The following KCNN2 variants were observed in gnomAD, a reference collection of about 807,000 sequenced individuals.
KCNN2 encodes potassium calcium-activated channel subfamily N member 2.
A neutral mutation model predicts 55.5 loss-of-function variants in KCNN2; 24 were observed. The ratio of observed to expected loss-of-function variants is 0.43; its 90% CI spans 0.31 to 0.61. KCNN2 has a LOEUF of 0.61. Ranked by LOEUF, KCNN2 falls within the 20% of genes least tolerant of loss-of-function variation. The pLI is 0.08. For missense variants in KCNN2, 754 were observed against 853.6 expected (o/e 0.88, Z 1.45); for synonymous variants, 431 against 336.1 (o/e 1.28, Z -3.09).
chr5:114,227,691 G>T (rs1754264930), intron 2 of KCNN2, among the ~76,000 whole-genome samples: 1 of 151,940 alleles, frequency 6.6e-6, no homozygotes, highest in African/African-American at 2.4e-5. Flanking sequence ...TTTGAAATCA[G>T]AAAAAAAGTA....
Position 114,105,817 on chromosome 5 carries a change from A to G in KCNN2, c.-271+49317A>G, listed in dbSNP as rs539348367. 4.6e-5 allele frequency among the ~76,000 whole-genome samples: 7 copies of G among 152,116 alleles called. No individual in the cohort carries two copies. In the East Asian group the frequency reaches 1.2e-3, roughly 25 times the overall value. On this transcript the variant is annotated intron_variant, in intron 1 of 10. Coordinates refer to the KCNN2 transcript ENST00000512097. The stretch of plus-strand genomic sequence containing the variant: ...AGTCTTCAGCCATTTTTGTTTGGCA[A>G]TAATATATATTTAGTTTATTTGTCT...
chr5:114,477,235 G>T (rs768262410), intron 5 of KCNN2, among the ~76,000 whole-genome samples: 3 of 152,086 alleles, frequency 2.0e-5, no homozygotes, highest in Admixed American at 6.5e-5. Context: ...CAATATGAAT[G>T]TTAAAAGATA....
intron 2 of KCNN2, among the ~76,000 whole-genome samples, chr5:114,285,353 A>C (rs1043005451): frequency 1.3e-5 from 2 of 151,650 alleles, no homozygotes; most frequent in Non-Finnish European, 2.9e-5. Context: ...GTAGGGGAGA[A>C]AAATATGAAG....
chr5:114,120,963 G>T (rs1751820673), intron 1 of KCNN2, among the ~76,000 whole-genome samples: 1 of 152,204 alleles, frequency 6.6e-6, no homozygotes, highest in Non-Finnish European at 1.5e-5. Flanking sequence ...GGCAAATGGG[G>T]CCTCTGCCCC....
intron 1 of KCNN2, among the ~76,000 whole-genome samples, chr5:114,126,763 T>C (rs1462613197): frequency 6.6e-6 from 1 of 152,150 alleles, no homozygotes; most frequent in East Asian, 1.9e-4. Context: ...CAAAGTCTCA[T>C]CTGAGACAAG....
At chr5:114,069,653 G>T (rs1349347086) in intron 1 of KCNN2, among the ~76,000 whole-genome samples, 1 of 152,166 alleles carries the variant, frequency 6.6e-6, no homozygotes, top group Non-Finnish European at 1.5e-5. Context: ...AATAAAGCTT[G>T]TTCTGAAAGG....
At chr5:114,386,815 T>C (rs1044413609) in intron 2 of KCNN2, among the ~76,000 whole-genome samples, 4 of 152,310 alleles carry the variant, frequency 2.6e-5, no homozygotes, top group Non-Finnish European at 5.9e-5. Context: ...TTCTGAGAGA[T>C]TTCAGTCTCT....
chr5:114,071,480 C>A (rs1471100199), intron 1 of KCNN2, among the ~76,000 whole-genome samples: 2 of 152,170 alleles, frequency 1.3e-5, no homozygotes, highest in African/African-American at 4.8e-5. Flanking sequence ...CCAGGGAGTC[C>A]TGTTTGCATT....
intron 2 of KCNN2, among the ~76,000 whole-genome samples, chr5:114,285,306 A>C (rs1349718106): frequency 5.0e-5 from 7 of 138,934 alleles, no homozygotes; most frequent in Non-Finnish European, 1.1e-4. Context: ...AAAAAAAAAA[A>C]GAGAGACAGT....
intron 2 of KCNN2, among the ~76,000 whole-genome samples, chr5:114,251,274 A>T (rs1754854790): frequency 6.6e-6 from 1 of 152,248 alleles, no homozygotes; most frequent in South Asian, 2.1e-4. Context: ...TTACTTTTGT[A>T]ATCCTGATCT....
chr5:114,427,917 CTT>C (rs994772436), intron 3 of KCNN2, among the ~76,000 whole-genome samples: 2 of 152,282 alleles, frequency 1.3e-5, no homozygotes, highest in Non-Finnish European at 2.9e-5. Context: ...CTAATTCAGA[CTT>C]ATATTTACTG....
At chr5:114,426,304 C>T (rs1759622811) in intron 3 of KCNN2, among the ~76,000 whole-genome samples, 1 of 152,176 alleles carries the variant, frequency 6.6e-6, no homozygotes, top group African/African-American at 2.4e-5. Flanking sequence ...ATATGTTTTT[C>T]AGATGTTAAT....
chr5:114,368,373 A>G (rs889482930), intron 2 of KCNN2, among the ~76,000 whole-genome samples: 1 of 152,190 alleles, frequency 6.6e-6, no homozygotes, highest in African/African-American at 2.4e-5. Context: ...AGATGGCTCT[A>G]TAGCTCTATA....
intron 1 of KCNN2, among the ~76,000 whole-genome samples, chr5:114,093,605 A>T (rs1257599832): frequency 6.6e-6 from 1 of 152,210 alleles, no homozygotes; most frequent in Non-Finnish European, 1.5e-5. Flanking sequence ...TCAGCATGGC[A>T]GGGGAAGTCT....
chr5:114,391,833 C>A (rs951529754), intron 2 of KCNN2, among the ~76,000 whole-genome samples: 3 of 152,054 alleles, frequency 2.0e-5, no homozygotes, highest in African/African-American at 7.2e-5. Context: ...TAGGTGGCTG[C>A]TGGTTCAGTG....
chr5:114,354,610 T>G (rs548684750), intron 2 of KCNN2, among the ~76,000 whole-genome samples: 1 of 152,110 alleles, frequency 6.6e-6, no homozygotes, highest in Non-Finnish European at 1.5e-5. Flanking sequence ...TCAAATAGCA[T>G]TGAAGTTTTA....
intron 2 of KCNN2, among the ~76,000 whole-genome samples, chr5:114,385,517 GCGCA>G (rs750486824): frequency 3.3e-4 from 29 of 88,964 alleles, no homozygotes; most frequent in Admixed American, 7.9e-4. Context: ...ACACACATGC[GCGCA>G]CACACACACA....
chr5:114,423,807 T>C (rs1161706673), intron 3 of KCNN2, among the ~76,000 whole-genome samples: 1 of 152,144 alleles, frequency 6.6e-6, no homozygotes, highest in Non-Finnish European at 1.5e-5. Context: ...GAAGACTTTC[T>C]AGAAAGAAAA....
rs1051060762 is a variant in KCNN2, at chr5:114,473,047, T to G, written c.1780-7T>G. On this transcript the variant is annotated splice_polypyrimidine_tract_variant and splice_region_variant and intron_variant, in intron 4 of 7. Transcript: ENST00000673685. ...GCTTTGGGTTTCTCTTCTCTCCTTG[T>G]TTTCAGGGTGCTGGTTGCACAGCCC... is the stretch of plus-strand genomic sequence containing the variant. 6.3e-7 allele frequency: 1 copy of G among 1,584,694 alleles called. No individual in the cohort carries two copies. Among genetic ancestry groups the G allele is most frequent in the Non-Finnish European group, 8.6e-7 (1 of 1,159,138 alleles).
Sources: gnomAD v4.1 joint callset for allele counts (sites outside exome capture counted in the v4.1 genomes callset) on GRCh38, gnomAD v4.1.1 for gene constraint, MANE v1.5 for transcripts, NCBI Gene and HGNC (gene_info 2026-07-23, HGNC 2026-07-21) for gene names.